Variants in SALL3 observed in about 807,000 individuals in gnomAD.
The protein encoded by SALL3 is spalt like transcription factor 3, also known as sal-like protein 3.
SALL3 carries 25 observed loss-of-function variants against 66.2 expected under a neutral mutation model. The ratio of observed to expected loss-of-function variants is 0.38; its 90% CI spans 0.28 to 0.53. The LOEUF is 0.53. SALL3 is among the 20% of genes least tolerant of loss of function. SALL3 has a pLI of 0.85. For synonymous variants in SALL3, 1,152 were observed against 899.1 expected (o/e 1.28, Z -5.03); for missense variants, 2,194 against 1,916.5 (o/e 1.14, Z -2.70).
intron 1 of SALL3, among the ~76,000 whole-genome samples, chr18:78,987,864 TC>T (rs1224564812): frequency 6.6e-6 from 1 of 152,224 alleles, no homozygotes; most frequent in Non-Finnish European, 1.5e-5. Flanking sequence ...TTCCTGCCCA[TC>T]CCCTGCCTGT....
chr18:78,983,662 C>G (rs1325507874), intron 1 of SALL3, among the ~76,000 whole-genome samples: 1 of 152,172 alleles, frequency 6.6e-6, no homozygotes, highest in Non-Finnish European at 1.5e-5. Flanking sequence ...GTGCTTGGCG[C>G]AGGATCTTTT....
In SALL3 at chr18:78,998,531, T is replaced by C. The variant is rs1369300899; in HGVS notation, c.*1209T>C. On this transcript the variant is annotated 3_prime_UTR_variant, in exon 3 of 3. Transcript: ENST00000537592. Reference sequence around the variant, plus strand: ...CTGTGACCGCCCCCTAACGAAACCTTGGTGAATTCATCCTAGGACTATGAC... The same window carrying C: ...CTGTGACCGCCCCCTAACGAAACCTCGGTGAATTCATCCTAGGACTATGAC... 1 of 152,178 alleles carries C rather than the reference T, an allele frequency of 6.6e-6. No homozygotes were observed. Among genetic ancestry groups the C allele is most frequent in the Non-Finnish European group, 1.5e-5 (1 of 68,034 alleles). The allele number at this position is 152,178 out of a possible 1,614,324, so 9.4% of individuals were successfully genotyped here.
chr18:78,983,746 C>T (rs948005119), intron 1 of SALL3, among the ~76,000 whole-genome samples: 2 of 152,096 alleles, frequency 1.3e-5, no homozygotes, highest in African/African-American at 2.4e-5. Context: ...ATTCAGCATA[C>T]CAAAAGGAAC....
rs1177832207 is a variant in SALL3 at position 78,994,012 on chromosome 18, A to C, written c.2021A>C (p.Lys674Thr). ...CAGCTGGTGGAGAACATCGACAAGA[A>C]GATGACGGACCCGAACCAGTGCGTC... The part of the protein sequence containing the change: ...LQQLVENIDK[K>T]MTDPNQCVIC... Residue 674 changes from lysine (K) to threonine (T), a missense_variant, in exon 2 of 3, where the codon AAG becomes ACG. Transcript: ENST00000537592. 1.9e-6 allele frequency: 3 copies of C among 1,612,608 alleles called. No homozygotes were observed. Among genetic ancestry groups the C allele is most frequent in the East Asian group, 2.2e-5 (1 of 44,852 alleles).
chr18:78,981,885 CAGTCTT>C (rs1293356211), intron 1 of SALL3, among the ~76,000 whole-genome samples: 1 of 152,124 alleles, frequency 6.6e-6, no homozygotes, highest in Non-Finnish European at 1.5e-5. Context: ...ATGAGAAAGA[CAGTCTT>C]TCCTTCAAAA....
chr18:78,991,724 TGAG>T (rs1335572903), intron 1 of SALL3: 4 of 273,270 alleles, frequency 1.5e-5, no homozygotes, highest in African/African-American at 8.8e-5. Context: ...TTGCTGGAAA[TGAG>T]GAAGCCGGAT....
chr18:78,994,169 C>A lies in SALL3; in HGVS notation c.2178C>A (p.Phe726Leu). 5 of 1,613,196 alleles carry A rather than the reference C, an allele frequency of 3.1e-6. No individual in the cohort carries two copies. The highest frequency in any genetic ancestry group is 4.2e-6 in the Non-Finnish European group (5 of 1,179,990). The stretch of plus-strand genomic sequence containing the variant: ...CCAAGGGCAACCTCAAGACGCACTT[C>A]GGCGTGCACCGTGCAAAGCCGCCCC... Reference protein sequence around the residue: ...FTTKGNLKTHFGVHRAKPPLR... With the variant: ...FTTKGNLKTHLGVHRAKPPLR... The change falls in exon 2 of 3, where the codon TTC becomes TTA. Residue 726 changes from phenylalanine to leucine, a missense_variant. Phe to Leu is a conservative substitution (Grantham distance 22, BLOSUM62 0). Transcript: ENST00000537592.
At chr18:78,984,315 G>T (rs2146208057) in intron 1 of SALL3, among the ~76,000 whole-genome samples, 1 of 152,284 alleles carries the variant, frequency 6.6e-6, no homozygotes, top group East Asian at 1.9e-4. Flanking sequence ...AAAAGTATTG[G>T]CACCAGCTTT....
chr18:78,983,205 A>C (rs920598284), intron 1 of SALL3, among the ~76,000 whole-genome samples: 5 of 152,222 alleles, frequency 3.3e-5, no homozygotes, highest in Non-Finnish European at 7.3e-5. Context: ...AAATGATCTC[A>C]TTCCTATTTT....
chr18:78,993,015 A>T lies in SALL3; in HGVS notation c.1024A>T (p.Thr342Ser), dbSNP rs1200768146. The T allele has an allele frequency of 2.6e-6, 4 of 1,527,224 alleles. No individual in the cohort carries two copies. The highest frequency in any genetic ancestry group is 3.5e-6 in the Non-Finnish European group (4 of 1,145,698). The allele number at this position is 1,527,224 out of a possible 1,614,324, so 94.6% of individuals were successfully genotyped here. ...AASSQPQSAS[T>S]PPALAPGSLL... Reference sequence around the variant, plus strand: ...CTCGTCGCAGCCGCAGAGCGCATCCACGCCGCCTGCCCTGGCCCCGGGGTC... The same window carrying T: ...CTCGTCGCAGCCGCAGAGCGCATCCTCGCCGCCTGCCCTGGCCCCGGGGTC... The change falls in exon 2 of 3, where the codon ACG (threonine) becomes TCG (serine). Residue 342 changes from threonine (T) to serine (S), a missense_variant. Thr to Ser is a moderately conservative substitution (Grantham distance 58). Transcript: ENST00000537592.
intron 1 of SALL3, among the ~76,000 whole-genome samples, chr18:78,986,953 A>G (rs993257022): frequency 6.6e-6 from 1 of 152,232 alleles, no homozygotes; most frequent in African/African-American, 2.4e-5. Flanking sequence ...CGTCTTAAAT[A>G]TTATATAGGT....
intron 1 of SALL3, among the ~76,000 whole-genome samples, chr18:78,987,198 C>T (rs1336934284): frequency 6.6e-6 from 1 of 152,120 alleles, no homozygotes; most frequent in African/African-American, 2.4e-5. Context: ...TTAAAAAGAT[C>T]ATCCAGGCTA....
intron 1 of SALL3, among the ~76,000 whole-genome samples, chr18:78,989,188 GT>G (rs1439477304): frequency 6.6e-6 from 1 of 152,164 alleles, no homozygotes; most frequent in Non-Finnish European, 1.5e-5. Context: ...TCGAGAAACA[GT>G]TGCAATTTAG....
At chr18:78,996,178 G>A (rs1316592141) in intron 2 of SALL3, among the ~76,000 whole-genome samples, 1 of 152,226 alleles carries the variant, frequency 6.6e-6, no homozygotes, top group Non-Finnish European at 1.5e-5. Flanking sequence ...GCTGTGCAGT[G>A]TTCCTGTATG....
intron 1 of SALL3, among the ~76,000 whole-genome samples, chr18:78,986,478 TCTC>T (rs1914250177): frequency 6.6e-6 from 1 of 152,230 alleles, no homozygotes; most frequent in African/African-American, 2.4e-5. Context: ...TCTCTATTTG[TCTC>T]CTCCTGTTTC....
intron 2 of SALL3, 27 bp downstream of exon 2, chr18:78,995,489 G>C: frequency 6.6e-7 from 1 of 1,507,182 alleles, no homozygotes; most frequent in Non-Finnish European, 8.8e-7. Flanking sequence ...CTCCAGCCCC[G>C]GCTGCGGTGC....
intron 1 of SALL3, among the ~76,000 whole-genome samples, chr18:78,982,752 G>C (rs1914115481): frequency 6.6e-6 from 1 of 152,198 alleles, no homozygotes; most frequent in Admixed American, 6.5e-5. Context: ...AGTTGCAAGT[G>C]AGCTCAGTTA....
At chr18:78,980,894 G>C (rs1234093358) in intron 1 of SALL3, among the ~76,000 whole-genome samples, 1 of 152,198 alleles carries the variant, frequency 6.6e-6, no homozygotes, top group Non-Finnish European at 1.5e-5. Flanking sequence ...GATCCCTCGC[G>C]AGGCGAGGAG....
rs1378472692 is a variant in SALL3, at chr18:78,993,915, C to G, written c.1924C>G (p.Gln642Glu). Residue 642 changes from glutamine (Q) to glutamate (E), a missense_variant, in exon 2 of 3, where the codon CAG (glutamine) becomes GAG (glutamate). By Grantham distance (29) the Gln-to-Glu change is conservative. Transcript: ENST00000537592. ...CCCCGGGCTGCCCGCCGTCTCCGAG[C>G]AGTTCAAGGCCCAGTTTCCGTTCGG... is the stretch of plus-strand genomic sequence containing the variant. ...GSPGLPAVSE[Q>E]FKAQFPFGGL... 1.2e-6 allele frequency: 2 copies of G among 1,602,506 alleles called. No individual in the cohort carries two copies. The highest frequency in any genetic ancestry group is 1.7e-6 in the Non-Finnish European group (2 of 1,175,168).
Sources: gnomAD v4.1 joint callset for allele counts (sites outside exome capture counted in the v4.1 genomes callset) on GRCh38, gnomAD v4.1.1 for gene constraint, MANE v1.5 for transcripts, NCBI Gene and HGNC (gene_info 2026-07-23, HGNC 2026-07-21) for gene names.